RBFOX1: variants seen among roughly 807,000 people sequenced by gnomAD.
The protein encoded by RBFOX1 is RNA binding protein fox-1 homolog 1.
In RBFOX1, 8 loss-of-function variants were observed where a neutral mutation model predicts 57.7. The observed-to-expected ratio is 0.14, with a 90% CI of 0.08 to 0.25. The LOEUF (loss-of-function observed/expected upper bound fraction) is 0.25. Among genes scored for constraint, RBFOX1 ranks in the 10% least tolerant of loss-of-function variants. The pLI is 1.00. For missense variants in RBFOX1, 611 were observed against 548.5 expected (o/e 1.11, Z -1.14); for synonymous variants, 326 against 222.4 (o/e 1.47, Z -4.15).
At chr16:6,775,670 T>G (rs2079200859) in intron 3 of RBFOX1, 1 of 152,158 alleles carries the variant, frequency 6.6e-6, no homozygotes, top group African/African-American at 2.4e-5. Flanking sequence ...GGAGCTTCGG[T>G]CAAACATCCC....
At chr16:5,700,331 C>G (rs1254631078) in intron 3 of RBFOX1, among the ~76,000 whole-genome samples, 2 of 151,314 alleles carry the variant, frequency 1.3e-5, no homozygotes, top group African/African-American at 4.9e-5. Context: ...GGTAATGTGT[C>G]CTGGTCTTTC....
intron 3 of RBFOX1, among the ~76,000 whole-genome samples, chr16:7,044,120 A>C (rs969236917): frequency 6.6e-6 from 1 of 152,000 alleles, no homozygotes; most frequent in East Asian, 1.9e-4. Flanking sequence ...TATTCCTGGC[A>C]CTTAGGACAG....
chr16:6,261,567 C>G (rs778346530), intron 1 of RBFOX1, among the ~76,000 whole-genome samples: 3 of 152,210 alleles, frequency 2.0e-5, no homozygotes, highest in African/African-American at 4.8e-5. Flanking sequence ...ATCGAGCCTT[C>G]TCAGCCAGTC....
At chr16:6,749,975 T>A (rs2074598043) in intron 3 of RBFOX1, among the ~76,000 whole-genome samples, 1 of 152,186 alleles carries the variant, frequency 6.6e-6, no homozygotes. Context: ...GAAAAGATGG[T>A]GCTCTCAGAG....
intron 1 of RBFOX1, among the ~76,000 whole-genome samples, chr16:5,322,576 T>A (rs1340697713): frequency 6.6e-6 from 1 of 152,168 alleles, no homozygotes; most frequent in Admixed American, 6.5e-5. Context: ...GATGTAGGTG[T>A]GAGAATCCTC....
At chr16:5,942,378 T>C (rs1220531605) in intron 4 of RBFOX1, among the ~76,000 whole-genome samples, 1 of 152,148 alleles carries the variant, frequency 6.6e-6, no homozygotes, top group Non-Finnish European at 1.5e-5. Flanking sequence ...GCTACAGGAC[T>C]AGTTGAGTCA....
intron 4 of RBFOX1, among the ~76,000 whole-genome samples, chr16:7,421,053 C>G (rs1218783211): frequency 1.3e-5 from 2 of 151,910 alleles, no homozygotes; most frequent in Non-Finnish European, 2.9e-5. Context: ...CCATACCTGA[C>G]TCTTTTGCTC....
At chr16:7,570,925 C>G (rs980187552) in intron 5 of RBFOX1, among the ~76,000 whole-genome samples, 5 of 152,174 alleles carry the variant, frequency 3.3e-5, no homozygotes, top group African/African-American at 1.2e-4. Flanking sequence ...AGATTATGTT[C>G]TTTGCAAGGA....
At chr16:6,948,375 C>CTTTTTTTTTTTTTTTTTT (rs968186299) in intron 3 of RBFOX1, among the ~76,000 whole-genome samples, 4 of 67,968 alleles carry the variant, frequency 5.9e-5, no homozygotes, top group Non-Finnish European at 8.5e-5. Flanking sequence ...TTCTCCCTTT[C>CTTTTTTTTTTTTTTTTTT]TTTTTTTTTT....
chr16:6,524,444 C>T (rs374283403), intron 2 of RBFOX1, among the ~76,000 whole-genome samples: 4 of 152,232 alleles, frequency 2.6e-5, no homozygotes, highest in African/African-American at 7.2e-5. Flanking sequence ...CAGTGTTTAC[C>T]GTAGTTCTAC....
At chr16:6,102,145 G>T (rs1291105181) in intron 1 of RBFOX1, among the ~76,000 whole-genome samples, 1 of 141,152 alleles carries the variant, frequency 7.1e-6, no homozygotes, top group Non-Finnish European at 1.5e-5. Flanking sequence ...CGGCCTGAAG[G>T]AATTTATTAG....
chr16:6,709,215 A>G (rs1766710814), intron 3 of RBFOX1, among the ~76,000 whole-genome samples: 2 of 152,220 alleles, frequency 1.3e-5, no homozygotes, highest in Admixed American at 6.5e-5. Flanking sequence ...TTGCACAAGT[A>G]TAAACCCACT....
intron 2 of RBFOX1, among the ~76,000 whole-genome samples, chr16:6,370,845 A>C (rs1372587237): frequency 5.9e-5 from 9 of 152,224 alleles, no homozygotes; most frequent in Non-Finnish European, 1.2e-4. Context: ...TATGTAATGT[A>C]TATTTTGCTA....
At chr16:6,542,481 G>GTTTTTTTTTTT (rs1567617665) in intron 2 of RBFOX1, among the ~76,000 whole-genome samples, 6 of 37,150 alleles carry the variant, frequency 1.6e-4, no homozygotes, top group South Asian at 1.2e-3. Context: ...TGGGACCATA[G>GTTTTTTTTTTT]TCTTTTTTTT....
intron 1 of RBFOX1, among the ~76,000 whole-genome samples, chr16:6,177,815 AATTG>A (rs1200357730): frequency 6.6e-6 from 1 of 151,908 alleles, no homozygotes; most frequent in Non-Finnish European, 1.5e-5. Flanking sequence ...TCACAGGCAA[AATTG>A]ATTGTGCGGC....
At chr16:5,708,967 G>A (rs1011348260) in intron 3 of RBFOX1, among the ~76,000 whole-genome samples, 3 of 152,104 alleles carry the variant, frequency 2.0e-5, no homozygotes, top group Admixed American at 6.5e-5. Context: ...GAGAGAACAC[G>A]GGCCATGGCA....
At chr16:6,997,285 C>T (rs78166176) in intron 3 of RBFOX1, among the ~76,000 whole-genome samples, 2,394 of 152,162 alleles carry the variant, frequency 0.016, 68 homozygotes, top group African/African-American at 0.054. Context: ...AAAAGTCTGC[C>T]ACCAATACAT....
At chr16:7,096,872 C>G (rs2061781416) in intron 4 of RBFOX1, among the ~76,000 whole-genome samples, 1 of 133,784 alleles carries the variant, frequency 7.5e-6, no homozygotes, top group Admixed American at 9.1e-5. Flanking sequence ...GCGGAGGTTG[C>G]AGTTGGCCGA....
intron 3 of RBFOX1, among the ~76,000 whole-genome samples, chr16:7,011,255 C>G (rs1269817240): frequency 2.0e-5 from 3 of 152,118 alleles, no homozygotes; most frequent in South Asian, 2.1e-4. Flanking sequence ...GCAACATTAA[C>G]TTATGTAATT....
Sources: allele counts gnomAD v4.1 joint callset (sites outside exome capture counted in the v4.1 genomes callset), GRCh38; gene constraint gnomAD v4.1.1; transcripts MANE v1.5; gene names NCBI Gene and HGNC (gene_info 2026-07-23, HGNC 2026-07-21).